GNG2: variants seen among roughly 807,000 people sequenced by gnomAD.
The protein encoded by GNG2 is G protein subunit gamma 2, also known as guanine nucleotide-binding protein G(I)/G(S)/G(O) subunit gamma-2.
GNG2 carries 5 observed loss-of-function variants against 5.5 expected under a neutral mutation model. The observed-to-expected ratio is 0.91, with a 90% CI of 0.48 to 1.92. The LOEUF (loss-of-function observed/expected upper bound fraction) is 1.92, where lower values mean the gene tolerates loss of function less well. GNG2 is among the 30% of genes most tolerant of loss of function. GNG2 has a pLI of 0.01. For synonymous variants in GNG2, 28 were observed against 32.0 expected, an observed-to-expected ratio of 0.88 and a Z score of 0.42; for missense variants, 55 against 88.4, an observed-to-expected ratio of 0.62 and a Z score of 1.52.
intron 2 of GNG2, among the ~76,000 whole-genome samples, chr14:51,895,472 A>G (rs1200261417): frequency 6.6e-6 from 1 of 152,234 alleles, no homozygotes; most frequent in African/African-American, 2.4e-5. Flanking sequence ...AAAGATGCCA[A>G]GATGTTTACT....
chr14:51,925,371 G>T (rs1887247861), intron 2 of GNG2, among the ~76,000 whole-genome samples: 1 of 152,210 alleles, frequency 6.6e-6, no homozygotes, highest in African/African-American at 2.4e-5. Context: ...GGATGTTTAA[G>T]TAACTTGACC....
chr14:51,923,546 CAT>C (rs1887144215), intron 2 of GNG2, among the ~76,000 whole-genome samples: 1 of 120,050 alleles, frequency 8.3e-6, no homozygotes, highest in Admixed American at 9.5e-5. Context: ...CACATATACA[CAT>C]ATATATACAA....
At chr14:51,833,233 A>G (rs980995412) in intron 2 of GNG2, among the ~76,000 whole-genome samples, 5 of 152,204 alleles carry the variant, frequency 3.3e-5, no homozygotes, top group Non-Finnish European at 7.3e-5. Flanking sequence ...TTCATGGAAA[A>G]TCTACCTCCG....
intron 1 of GNG2, among the ~76,000 whole-genome samples, chr14:51,870,258 A>AC (rs1344068920): frequency 6.6e-6 from 1 of 152,142 alleles, no homozygotes; most frequent in South Asian, 2.1e-4. Flanking sequence ...AAGAAAAAAA[A>AC]AACAACTTGT....
At chr14:51,854,134 A>G (rs1882041042) in intron 2 of GNG2, among the ~76,000 whole-genome samples, 1 of 152,138 alleles carries the variant, frequency 6.6e-6, no homozygotes, top group Non-Finnish European at 1.5e-5. Context: ...TTGGCCTCCC[A>G]AAGTGCTGGG....
At chr14:51,906,790 C>G (rs1173355799) in intron 2 of GNG2, among the ~76,000 whole-genome samples, 10 of 116,180 alleles carry the variant, frequency 8.6e-5, no homozygotes, top group African/African-American at 3.7e-4. Flanking sequence ...GAGTCTTGCT[C>G]TTTCGCCCAG....
chr14:51,841,555 G>A (rs963961655), intron 2 of GNG2: 2 of 702,088 alleles, frequency 2.8e-6, no homozygotes, highest in East Asian at 5.4e-5. Context: ...AAGTGTTGGA[G>A]CCCGGATTTG....
At chr14:51,893,219 G>T (rs1884977218) in intron 2 of GNG2, among the ~76,000 whole-genome samples, 1 of 152,096 alleles carries the variant, frequency 6.6e-6, no homozygotes, top group Non-Finnish European at 1.5e-5. Context: ...GTAGCAATTT[G>T]GATGCCCATT....
At chr14:51,884,327 C>CATTT (rs1248837225) in intron 2 of GNG2, among the ~76,000 whole-genome samples, 3 of 152,174 alleles carry the variant, frequency 2.0e-5, no homozygotes. Flanking sequence ...CCTCTGTTAA[C>CATTT]ATTTATATGC....
intron 2 of GNG2, among the ~76,000 whole-genome samples, chr14:51,887,287 A>G (rs567727698): frequency 1.3e-5 from 2 of 152,300 alleles, no homozygotes; most frequent in South Asian, 2.1e-4. Flanking sequence ...TCCCGACATC[A>G]AAGGAAATGA....
At chr14:51,962,369 ATCTGG>A in intron 3 of GNG2, among the ~76,000 whole-genome samples, 1 of 152,280 alleles carries the variant, frequency 6.6e-6, no homozygotes, top group Non-Finnish European at 1.5e-5. Context: ...GATTGAAAGT[ATCTGG>A]TATCTATCAG....
intron 3 of GNG2, chr14:51,952,145 G>A (rs2140287449): frequency 2.1e-6 from 1 of 466,184 alleles, no homozygotes; most frequent in African/African-American, 2.0e-5. Context: ...ATGTGCTAGA[G>A]AGTGAAGAGA....
intron 2 of GNG2, chr14:51,916,330 C>T: frequency 2.8e-6 from 1 of 358,118 alleles, no homozygotes; most frequent in Non-Finnish European, 5.5e-6. Flanking sequence ...CATTATTTGC[C>T]CCGTAGAGAT....
intron 1 of GNG2, among the ~76,000 whole-genome samples, chr14:51,872,746 G>A (rs79525523): frequency 0.014 from 2,104 of 151,966 alleles, 52 homozygotes; most frequent in African/African-American, 0.049. Flanking sequence ...GGTCTAAAAT[G>A]ATATTTATTG....
chr14:51,942,593 T>TTTCTTTCTTTCTTTCTTTC (rs1555356844), intron 2 of GNG2, among the ~76,000 whole-genome samples: 1 of 6,738 alleles, frequency 1.5e-4, no homozygotes, highest in Non-Finnish European at 5.0e-4. Context: ...TTCTTTCTTT[T>TTTCTTTCTTTCTTTCTTTC]TTTTTTTTTT....
rs974549089 is a variant in GNG2, at chr14:51,968,761, G to T, written c.*2074G>T. The T allele has an allele frequency of 8.5e-5, 13 of 152,192 alleles. No individual in the cohort carries two copies. The highest frequency in any genetic ancestry group is 3.1e-4 in the African/African-American group (13 of 41,444). The allele number at this position is 152,192 out of a possible 1,614,324, so 9.4% of individuals were successfully genotyped here. ...GGCCAAAACATGAATTGAGTATGTG[G>T]TCACATGAAAACACGGATGAATGAA... On this transcript the variant is annotated 3_prime_UTR_variant, in exon 4 of 4. Transcript: ENST00000556766.
At chr14:51,966,230 A>AAAC (rs1440400254) in intron 3 of GNG2, among the ~76,000 whole-genome samples, 3 of 149,578 alleles carry the variant, frequency 2.0e-5, no homozygotes, top group African/African-American at 7.3e-5. Context: ...AAAAAAAAAA[A>AAAC]AAAAAAACAA....
chr14:51,918,588 G>A (rs1237795106), intron 2 of GNG2: 4 of 152,016 alleles, frequency 2.6e-5, no homozygotes, highest in Non-Finnish European at 4.4e-5. Context: ...TTAATGCTGT[G>A]AAAATAAGTA....
At chr14:51,955,589 A>G (rs1409234392) in intron 3 of GNG2, among the ~76,000 whole-genome samples, 1 of 152,200 alleles carries the variant, frequency 6.6e-6, no homozygotes, top group Non-Finnish European at 1.5e-5. Flanking sequence ...ATAACAAAAC[A>G]TTACTATATT....
Sources: allele counts gnomAD v4.1 joint callset (sites outside exome capture counted in the v4.1 genomes callset), GRCh38; gene constraint gnomAD v4.1.1; transcripts MANE v1.5; gene names NCBI Gene and HGNC (gene_info 2026-07-23, HGNC 2026-07-21).